RUVBL1: variants seen among roughly 807,000 people sequenced by gnomAD.
The protein encoded by RUVBL1 is RuvB like AAA ATPase 1, also known as ruvB-like 1.
A neutral mutation model predicts 52.4 loss-of-function variants in RUVBL1; 4 were observed. The ratio of observed to expected loss-of-function variants is 0.08; its 90% CI spans 0.04 to 0.17. The LOEUF (loss-of-function observed/expected upper bound fraction) is 0.17. RUVBL1 is among the 10% of genes least tolerant of loss of function. RUVBL1 has a pLI of 1.00. For missense variants in RUVBL1, 298 were observed against 572.8 expected (o/e 0.52, Z 4.90); for synonymous variants, 217 against 214.4 (o/e 1.01, Z -0.10).
chr3:128,145,051 A>T (rs1944082499), intron 1 of RUVBL1, among the ~76,000 whole-genome samples: 1 of 152,206 alleles, frequency 6.6e-6, no homozygotes, highest in African/African-American at 2.4e-5. Context: ...ACGGAGAGAA[A>T]GAGACAAAGT....
In RUVBL1 at chr3:128,097,445, T is replaced by A. The variant is rs1943009809; in HGVS notation, c.871A>T (p.Ile291Phe). 6.2e-7 allele frequency: 1 copy of A among 1,614,074 alleles called. No individual in the cohort carries two copies. Among genetic ancestry groups the A allele is most frequent in the Non-Finnish European group, 8.5e-7 (1 of 1,180,042 alleles). The change falls in exon 8 of 11, where the codon ATT (isoleucine) becomes TTT (phenylalanine). Residue 291 changes from isoleucine to phenylalanine, a missense_variant. Coordinates refer to ENST00000322623, the MANE Select transcript of RUVBL1 (RefSeq NM_003707.3). ...AGCACACCCGGGACCAGCTCAGCAA[T>A]GCCCTGGTCGATGTACTTGTTCACC... ...KVVNKYIDQG[I>F]AELVPGVLFV...
At chr3:128,128,150 AATTTTTTCT>A (rs775326868), upstream of RUVBL1, among the ~76,000 whole-genome samples, 3 of 152,040 alleles carry the variant, frequency 2.0e-5, no homozygotes, top group Non-Finnish European at 4.4e-5. Context: ...ACACCCAGCT[AATTTTTTCT>A]ATTTTTTTGT....
chr3:128,112,699 T>C (rs887154529), intron 3 of RUVBL1, among the ~76,000 whole-genome samples, 189 bp downstream of exon 3: 1 of 152,216 alleles, frequency 6.6e-6, no homozygotes, highest in African/African-American at 2.4e-5. Flanking sequence ...TTGCTCCAAT[T>C]GCTAACGCAC....
intron 1 of RUVBL1, among the ~76,000 whole-genome samples, chr3:128,133,710 T>C (rs908985093): frequency 7.2e-5 from 11 of 152,234 alleles, no homozygotes; most frequent in African/African-American, 2.7e-4. Flanking sequence ...CAGATACAGC[T>C]GCAGTGACCA....
chr3:128,133,764 G>A (rs940421237), intron 1 of RUVBL1, among the ~76,000 whole-genome samples: 2 of 152,232 alleles, frequency 1.3e-5, no homozygotes, highest in African/African-American at 4.8e-5. Context: ...GCTTGGCAAG[G>A]CTTCCCAAGA....
intron 1 of RUVBL1, among the ~76,000 whole-genome samples, chr3:128,152,927 C>CTA (rs1387567934): frequency 3.0e-5 from 1 of 33,490 alleles, no homozygotes; most frequent in Non-Finnish European, 5.7e-5. Context: ...CCCCGCCGTC[C>CTA]CCCCGCCCTC....
At chr3:128,153,889 G>T in exon 1 of RUVBL1, 1 of 1,435,054 alleles carries the variant, frequency 7.0e-7, no homozygotes, top group Non-Finnish European at 9.0e-7. Context: ...CCCCGTGTCC[G>T]AATTCGCTCG....
At chr3:128,099,401 C>A (rs572839708) in intron 6 of RUVBL1, among the ~76,000 whole-genome samples, 1 of 152,202 alleles carries the variant, frequency 6.6e-6, no homozygotes, top group African/African-American at 2.4e-5. Context: ...GGACTTCCTC[C>A]AAATGTTCCT....
Position 128,082,743 on chromosome 3 carries a change from A to C in RUVBL1, c.1120-169T>G. 1 of 581,356 alleles carries C rather than the reference A, an allele frequency of 1.7e-6. No homozygotes were observed. Among genetic ancestry groups the C allele is most frequent in the South Asian group, 2.0e-5 (1 of 50,316 alleles). 36.0% of individuals were successfully genotyped at this position (581,356 alleles called of 1,614,324 possible). A position where few individuals can be genotyped will look rare whatever the true frequency, so the allele number is the denominator to read the frequency against. ...GCCTGCCCAGCACTGCCGGCCCGGC[A>C]CCCTCCAGGAGGCATGTGCGGCCCT... On this transcript the variant is annotated intron_variant, in intron 9 of 10. Coordinates refer to ENST00000322623, the MANE Select transcript of RUVBL1 (RefSeq NM_003707.3). This position sits in a 1 kb window ranked among gnomAD's most constrained non-coding sequence, Gnocchi z 4.7.
intron 1 of RUVBL1, among the ~76,000 whole-genome samples, chr3:128,146,514 G>A (rs937986843): frequency 1.3e-5 from 2 of 151,246 alleles, no homozygotes; most frequent in Non-Finnish European, 2.9e-5. Flanking sequence ...GTGTGTGTGC[G>A]TGCATCTGTG....
At chr3:128,130,377 A>G (rs990088059) in intron 1 of RUVBL1, among the ~76,000 whole-genome samples, 4 of 152,052 alleles carry the variant, frequency 2.6e-5, no homozygotes, top group African/African-American at 9.7e-5. Context: ...GTAATCAAGT[A>G]AGGAGACTGA....
intron 1 of RUVBL1, among the ~76,000 whole-genome samples, chr3:128,151,133 ATATATATTC>A (rs1322373675): frequency 8.0e-5 from 10 of 124,378 alleles, no homozygotes; most frequent in East Asian, 2.1e-4. Flanking sequence ...TATATATTCT[ATATATATTC>A]TATATATTCT....
chr3:128,145,131 T>G lies in RUVBL1; in HGVS notation c.-40+8072A>C, dbSNP rs561525616. ...CTTCCCCCAGACTTTTTAGCTAGGTTTATTTATTTAAATTCACAAACTCTG... is the reference window on the plus strand; with the variant it reads ...CTTCCCCCAGACTTTTTAGCTAGGTGTATTTATTTAAATTCACAAACTCTG... On this transcript the variant is annotated intron_variant, in intron 1 of 9. Coordinates refer to the RUVBL1 transcript ENST00000464873. 7.2e-5 allele frequency among the ~76,000 whole-genome samples: 11 copies of G among 152,296 alleles called. No homozygotes were observed. In the East Asian group the frequency reaches 2.1e-3, roughly 29 times the overall value.
At chr3:128,100,276 C>T (rs957404796) in intron 6 of RUVBL1, among the ~76,000 whole-genome samples, 1 of 152,166 alleles carries the variant, frequency 6.6e-6, no homozygotes, top group Non-Finnish European at 1.5e-5. Flanking sequence ...ACACTCCTGC[C>T]CTCCTGCCAT....
At chr3:128,108,649 A>G (rs1460293859) in intron 3 of RUVBL1, among the ~76,000 whole-genome samples, 1 of 152,100 alleles carries the variant, frequency 6.6e-6, no homozygotes, top group African/African-American at 2.4e-5. Flanking sequence ...GTGAGCCAAG[A>G]TCATGCCACG....
chr3:128,078,654 T>C (rs1276438942), downstream of RUVBL1: 1 of 144,262 alleles, frequency 6.9e-6, no homozygotes, highest in Non-Finnish European at 1.6e-5. Context: ...GGAGCTGAAA[T>C]AGTGCAAAAA....
chr3:128,088,242 A>G (rs1186112682), intron 8 of RUVBL1, among the ~76,000 whole-genome samples: 1 of 151,384 alleles, frequency 6.6e-6, no homozygotes, highest in African/African-American at 2.4e-5. Context: ...ACCCTGGGTG[A>G]CAGAGTGAGA....
At position 128,067,712 on chromosome 3, in the gene RUVBL1, G is replaced by A; in HGVS notation, c.940-2492C>T. ...TCATAAATAATGGTCTGTGACGTGT[G>A]CAGATAGATCGTCGTCCTTTAGGGG... On this transcript the variant is annotated intron_variant, in intron 9 of 9. Coordinates refer to the RUVBL1 transcript ENST00000464873. This position sits in a 1 kb window ranked among gnomAD's most constrained non-coding sequence, Gnocchi z 4.1. 5 of 988,938 alleles carry A rather than the reference G, an allele frequency of 5.1e-6. No individual in the cohort carries two copies. Among genetic ancestry groups the A allele is most frequent in the East Asian group, 2.4e-5 (1 of 41,116 alleles). The allele number at this position is 988,938 out of a possible 1,614,324, so 61.3% of individuals were successfully genotyped here.
At chr3:128,150,795 ATAT>A (rs1944180012) in intron 1 of RUVBL1, among the ~76,000 whole-genome samples, 1 of 79,502 alleles carries the variant, frequency 1.3e-5, no homozygotes, top group Non-Finnish European at 2.3e-5. Flanking sequence ...TATATTCTAT[ATAT>A]TATATATTCT....
Sources: allele counts gnomAD v4.1 joint callset (sites outside exome capture counted in the v4.1 genomes callset), GRCh38; gene constraint gnomAD v4.1.1; non-coding constraint Gnocchi (gnomAD v3.1); transcripts MANE v1.5; gene names NCBI Gene and HGNC (gene_info 2026-07-23, HGNC 2026-07-21).